Variants in LPCAT1 observed in about 807,000 individuals in gnomAD.
LPCAT1 encodes 1-acylglycerol-3-phosphate O-acyltransferase.
In LPCAT1, 23 loss-of-function variants were observed where a neutral mutation model predicts 60.9. That is an observed-to-expected ratio of 0.38 (90% CI 0.27 to 0.53). The LOEUF (loss-of-function observed/expected upper bound fraction) is 0.53. Ranked by LOEUF, LPCAT1 falls within the 20% of genes least tolerant of loss-of-function variation. LPCAT1 has a pLI of 0.82. For synonymous variants in LPCAT1, 340 were observed against 301.1 expected (o/e 1.13, Z -1.34); for missense variants, 622 against 723.6 (o/e 0.86, Z 1.61).
At chr5:1,509,776 T>C (rs551991272) in intron 1 of LPCAT1, among the ~76,000 whole-genome samples, 24 of 152,328 alleles carry the variant, frequency 1.6e-4, no homozygotes, top group African/African-American at 5.8e-4. Flanking sequence ...TGAATTCTCA[T>C]AGTTAACGAT....
chr5:1,467,794 C>CT (rs1734489586), intron 12 of LPCAT1, among the ~76,000 whole-genome samples: 1 of 152,168 alleles, frequency 6.6e-6, no homozygotes, highest in Admixed American at 6.5e-5. Flanking sequence ...GCTCCAACCC[C>CT]TGGGCTCCCT....
In LPCAT1 at chr5:1,506,414, G is replaced by A. The variant is rs547081085; in HGVS notation, c.136-4811C>T. The stretch of plus-strand genomic sequence containing the variant: ...TCCTTCCAGAAGCTTCTATGACCCC[G>A]CACCTTCTGCCCACCTGTCTCCACA... On this transcript the variant is annotated intron_variant, in intron 1 of 13. Coordinates refer to ENST00000283415, the MANE Select transcript of LPCAT1 (RefSeq NM_024830.5). Among the ~76,000 whole-genome samples the A allele has an allele frequency of 4.0e-3, 613 of 152,282 alleles. 6 individuals are homozygous for A. The highest frequency in any genetic ancestry group is 0.014 in the African/African-American group (568 of 41,558).
At position 1,523,708 on chromosome 5, in the gene LPCAT1, A is replaced by G; in HGVS notation, c.135+2T>C. 8.8e-7 allele frequency: 1 copy of G among 1,138,888 alleles called. No individual in the cohort carries two copies. Among genetic ancestry groups the G allele is most frequent in the Non-Finnish European group, 1.1e-6 (1 of 925,482 alleles). The allele number at this position is 1,138,888 out of a possible 1,614,324, so 70.5% of individuals were successfully genotyped here. A position where few individuals can be genotyped will look rare whatever the true frequency, so the allele number is the denominator to read the frequency against. Reference sequence around the variant, plus strand: ...CCGGGGCCGCGCGCCCTGGGCACCCACCTGGGCCTTCTGCAGGGCGCTGAG... The same window carrying G: ...CCGGGGCCGCGCGCCCTGGGCACCCGCCTGGGCCTTCTGCAGGGCGCTGAG... On this transcript the variant is annotated splice_donor_variant, in intron 1 of 13. Transcript: ENST00000283415. LOFTEE classifies it high-confidence loss of function. The surrounding 1 kb of genome is among the most constrained non-coding windows in gnomAD (Gnocchi z 7.1).
chr5:1,494,437 G>A lies in LPCAT1; in HGVS notation c.493+263C>T, dbSNP rs533862079. Among the ~76,000 whole-genome samples the A allele has an allele frequency of 6.0e-4, 91 of 150,504 alleles. 2 individuals are homozygous for A. The highest frequency in any genetic ancestry group is 1.8e-3 in the African/African-American group (73 of 40,496). On this transcript the variant is annotated intron_variant, in intron 3 of 13. Transcript: ENST00000283415. ...GGTGGGGGGGGGGTCCCTCACTCCC[G>A]GTAGGGAGGGTCTCACTCATTTCCA...
intron 13 of LPCAT1, among the ~76,000 whole-genome samples, chr5:1,465,470 T>TGC (rs1734340205): frequency 1.6e-5 from 1 of 61,842 alleles, no homozygotes; most frequent in Admixed American, 1.9e-4. Context: ...TAAACATGCA[T>TGC]GCACACACAA....
intron 3 of LPCAT1, among the ~76,000 whole-genome samples, chr5:1,491,436 G>A (rs191561596): frequency 3.3e-5 from 5 of 150,806 alleles, no homozygotes; most frequent in East Asian, 2.0e-4. Context: ...TGTCTATAAC[G>A]GCAAAGAACA....
At chr5:1,513,880 A>C (rs1579814983) in intron 1 of LPCAT1, among the ~76,000 whole-genome samples, 1 of 132,962 alleles carries the variant, frequency 7.5e-6, no homozygotes, top group Admixed American at 7.8e-5. Context: ...CTGTGATTAC[A>C]TTTCCTCCAT....
At chr5:1,493,355 C>A (rs1173276414) in intron 3 of LPCAT1, among the ~76,000 whole-genome samples, 4 of 152,266 alleles carry the variant, frequency 2.6e-5, no homozygotes, top group African/African-American at 9.6e-5. Context: ...CTTCCTATCC[C>A]AGCTGTGGCC....
In LPCAT1 at chr5:1,480,252, G is replaced by T; in HGVS notation, c.762-577C>A. ...CCCCCCAGAGCCCCCTCCCAGCTCT[G>T]CTCCCAGCTGGGAGCCTCCACACGC... On this transcript the variant is annotated intron_variant, in intron 7 of 13. Coordinates refer to ENST00000283415, the MANE Select transcript of LPCAT1 (RefSeq NM_024830.5). This position sits in a 1 kb window ranked among gnomAD's most constrained non-coding sequence, Gnocchi z 6.4. The T allele has an allele frequency of 1.2e-6, 1 of 815,008 alleles. No individual in the cohort carries two copies. Among genetic ancestry groups the T allele is most frequent in the Non-Finnish European group, 1.5e-6 (1 of 679,410 alleles). 50.5% of individuals were successfully genotyped at this position (815,008 alleles called of 1,614,324 possible).
At chr5:1,490,682 T>TG (rs1379244436) in intron 3 of LPCAT1, among the ~76,000 whole-genome samples, 2 of 152,210 alleles carry the variant, frequency 1.3e-5, no homozygotes, top group Non-Finnish European at 2.9e-5. Context: ...GTTGCGGGGT[T>TG]GGGGTACAAG....
intron 1 of LPCAT1, among the ~76,000 whole-genome samples, chr5:1,511,606 G>A (rs1007345607): frequency 6.6e-6 from 1 of 152,092 alleles, no homozygotes; most frequent in Non-Finnish European, 1.5e-5. Context: ...TGCTCACCTT[G>A]CTCACCTTAC....
At chr5:1,485,361 C>T (rs1468380991) in intron 5 of LPCAT1, among the ~76,000 whole-genome samples, 1 of 152,164 alleles carries the variant, frequency 6.6e-6, no homozygotes, top group Non-Finnish European at 1.5e-5. Context: ...ACCCCGCCAG[C>T]ACTGTGCACC....
intron 1 of LPCAT1, among the ~76,000 whole-genome samples, chr5:1,504,775 TG>T (rs1286582176): frequency 6.6e-6 from 1 of 151,228 alleles, no homozygotes; most frequent in African/African-American, 2.4e-5. Flanking sequence ...TCCCATAAAT[TG>T]TTCTTAGAAC....
chr5:1,520,589 G>A (rs1002883745), intron 1 of LPCAT1, among the ~76,000 whole-genome samples: 3 of 152,048 alleles, frequency 2.0e-5, no homozygotes, highest in Non-Finnish European at 4.4e-5. Flanking sequence ...GGCCGGGCGC[G>A]GTGGTTCACG....
At position 1,461,844 on chromosome 5, in the gene LPCAT1, T is replaced by C. The variant is rs543815870; in HGVS notation, c.*1807A>G. 2 of 152,738 alleles carry C rather than the reference T, an allele frequency of 1.3e-5. No individual in the cohort carries two copies. The highest frequency in any genetic ancestry group is 2.9e-5 in the Non-Finnish European group (2 of 68,030). 9.5% of individuals were successfully genotyped at this position (152,738 alleles called of 1,614,324 possible). On this transcript the variant is annotated 3_prime_UTR_variant, in exon 14 of 14. Transcript: ENST00000283415. Reference sequence around the variant, plus strand: ...GGAATATCTTAGTTTATTTACCTCCTTCATTGGCCATTTGCAGGCTCTTCT... The same window carrying C: ...GGAATATCTTAGTTTATTTACCTCCCTCATTGGCCATTTGCAGGCTCTTCT...
intron 4 of LPCAT1, among the ~76,000 whole-genome samples, chr5:1,489,155 G>C (rs1337559442): frequency 6.6e-6 from 1 of 152,214 alleles, no homozygotes; most frequent in African/African-American, 2.4e-5. Context: ...GCTTGTGGGG[G>C]CAGAGCTGGG....
chr5:1,494,169 T>C (rs1735691709), intron 3 of LPCAT1, among the ~76,000 whole-genome samples: 3 of 152,188 alleles, frequency 2.0e-5, no homozygotes, highest in Non-Finnish European at 4.4e-5. Context: ...ACAGCCGCGG[T>C]GCATGGGCAG....
At chr5:1,516,501 C>T (rs1271898760) in intron 1 of LPCAT1, among the ~76,000 whole-genome samples, 1 of 152,250 alleles carries the variant, frequency 6.6e-6, no homozygotes, top group Non-Finnish European at 1.5e-5. Flanking sequence ...GGCATCCCCA[C>T]TGTCTGTGCA....
chr5:1,474,535 C>CA (rs775519129), intron 10 of LPCAT1, 25 bp downstream of exon 10: 2 of 1,612,664 alleles, frequency 1.2e-6, no homozygotes, highest in Non-Finnish European at 1.7e-6. Flanking sequence ...AGCTAATGCT[C>CA]AAGGAAGAAG....
Sources: gnomAD v4.1 joint callset for allele counts (sites outside exome capture counted in the v4.1 genomes callset) on GRCh38, gnomAD v4.1.1 for gene constraint, Gnocchi (gnomAD v3.1) non-coding constraint, MANE v1.5 for transcripts, NCBI Gene and HGNC (gene_info 2026-07-23, HGNC 2026-07-21) for gene names.